The following CCDC148 variants were observed in gnomAD, a reference collection of about 807,000 sequenced individuals.
CCDC148 encodes the protein coiled-coil domain containing 148.
In CCDC148, 89 loss-of-function variants were observed where a neutral mutation model predicts 85.7. The observed-to-expected ratio is 1.04, with a 90% confidence interval of 0.87 to 1.24. The LOEUF (loss-of-function observed/expected upper bound fraction) is 1.24, where lower values mean the gene tolerates loss of function less well. Among genes scored for constraint, CCDC148 ranks in the 50% most tolerant of loss-of-function variants. The pLI, the probability that CCDC148 is intolerant of heterozygous loss-of-function variation, is 0.00. For synonymous variants in CCDC148, 230 were observed against 213.9 expected, an observed-to-expected ratio of 1.08 and a Z score of -0.66; for missense variants, 692 against 671.7, an observed-to-expected ratio of 1.03 and a Z score of -0.33.
chr2:158,205,754 C>A (rs1686209632), intron 11 of CCDC148, among the ~76,000 whole-genome samples: 1 of 152,144 alleles, frequency 6.6e-6, no homozygotes, highest in African/African-American at 2.4e-5. Flanking sequence ...GAACAGCTAA[C>A]AGTATGAACA....
intron 7 of CCDC148, among the ~76,000 whole-genome samples, chr2:158,326,935 A>C (rs1389123235): frequency 6.6e-6 from 1 of 152,104 alleles, no homozygotes; most frequent in East Asian, 1.9e-4. Flanking sequence ...TGCTTTGATT[A>C]CTTAACTATA....
rs533769051 is a variant in CCDC148, at chr2:158,344,046, TA to T, written c.251+1168del. The stretch of plus-strand genomic sequence containing the variant: ...AGAAAGACGTGGAATAGCCAAGATT[TA>T]AAAAAAACAAAAAACTTTACCAAGT... On this transcript the variant is annotated intron_variant, in intron 3 of 13. Transcript: ENST00000283233. Among the ~76,000 whole-genome samples the T allele has an allele frequency of 4.2e-3, 633 of 151,882 alleles. 1 individual carries two copies. The highest frequency in any genetic ancestry group is 0.014 in the African/African-American group (597 of 41,452).
chr2:158,225,323 C>T (rs533188763), intron 10 of CCDC148, among the ~76,000 whole-genome samples: 1 of 152,234 alleles, frequency 6.6e-6, no homozygotes, highest in Non-Finnish European at 1.5e-5. Context: ...TAGAGACCTA[C>T]AAAGAGACTT....
chr2:158,171,390 T>C lies in CCDC148; in HGVS notation c.*723A>G, dbSNP rs1684317589. On this transcript the variant is annotated 3_prime_UTR_variant, in exon 14 of 14. Coordinates refer to ENST00000283233, the MANE Select transcript of CCDC148 (RefSeq NM_138803.4). ...TATGTTTGAGTTTTATTTTAAATGC[T>C]CCTTTTCTATAAAATCATCTAAATA... 1 of 151,972 alleles carries C rather than the reference T, an allele frequency of 6.6e-6. No homozygotes were observed. Among genetic ancestry groups the C allele is most frequent in the East Asian group, 1.9e-4 (1 of 5,166 alleles). 9.4% of individuals were successfully genotyped at this position (151,972 alleles called of 1,614,324 possible).
intron 1 of CCDC148, among the ~76,000 whole-genome samples, chr2:158,428,328 G>T (rs183814842): frequency 5.9e-5 from 9 of 152,112 alleles, no homozygotes; most frequent in Admixed American, 3.3e-4. Flanking sequence ...GGGATTGCAC[G>T]GAATAAGAAA....
intron 11 of CCDC148, among the ~76,000 whole-genome samples, chr2:158,210,295 C>G (rs1310233567): frequency 6.6e-6 from 1 of 152,096 alleles, no homozygotes; most frequent in East Asian, 1.9e-4. Context: ...AATACAGGAG[C>G]ACTCAGATTC....
intron 1 of CCDC148, among the ~76,000 whole-genome samples, chr2:158,433,923 G>T (rs1039510434): frequency 6.6e-6 from 1 of 152,208 alleles, no homozygotes; most frequent in Non-Finnish European, 1.5e-5. Context: ...CGAGGCTGGG[G>T]GAGGGGCGTC....
At chr2:158,198,680 C>T (rs750661844) in intron 11 of CCDC148, among the ~76,000 whole-genome samples, 40 of 151,578 alleles carry the variant, frequency 2.6e-4, no homozygotes, top group Non-Finnish European at 4.9e-4. Context: ...TTTTCCAGGT[C>T]GGAAATAATT....
chr2:158,293,333 G>C (rs1215968730), intron 9 of CCDC148, among the ~76,000 whole-genome samples: 3 of 152,210 alleles, frequency 2.0e-5, no homozygotes, highest in African/African-American at 4.8e-5. Context: ...CCTTACACTT[G>C]TCTGCACACT....
chr2:158,369,406 T>C (rs987242269), intron 1 of CCDC148, among the ~76,000 whole-genome samples: 1 of 152,158 alleles, frequency 6.6e-6, no homozygotes, highest in Non-Finnish European at 1.5e-5. Flanking sequence ...GTTAGCTGTA[T>C]TCCTGGTATT....
chr2:158,366,114 TA>T (rs752968188), intron 1 of CCDC148: 52 of 1,356,538 alleles, frequency 3.8e-5, no homozygotes, highest in Admixed American at 2.4e-5. Flanking sequence ...TTCATAATAT[TA>T]TTTTATAAAT....
At chr2:158,220,734 AAAATTT>A in intron 10 of CCDC148, 21 bp from the exon 11 acceptor site, 1 of 1,518,040 alleles carries the variant, frequency 6.6e-7, no homozygotes, top group Non-Finnish European at 8.9e-7. Context: ...AATGTTACAT[AAAATTT>A]AAATTAACAA....
intron 1 of CCDC148, among the ~76,000 whole-genome samples, chr2:158,441,547 CAT>C (rs1687933236): frequency 1.4e-5 from 2 of 146,046 alleles, no homozygotes; most frequent in South Asian, 4.3e-4. Flanking sequence ...TTCCTCTTAA[CAT>C]ATTTGAGATA....
At chr2:158,331,399 C>T (rs965694893) in intron 7 of CCDC148, among the ~76,000 whole-genome samples, 16 of 152,282 alleles carry the variant, frequency 1.1e-4, no homozygotes, top group Non-Finnish European at 1.9e-4. Flanking sequence ...TGTTCTTTTA[C>T]ATTTGCTGAG....
At chr2:158,227,423 C>A (rs1363579901) in intron 10 of CCDC148, among the ~76,000 whole-genome samples, 2 of 152,020 alleles carry the variant, frequency 1.3e-5, no homozygotes, top group African/African-American at 4.8e-5. Context: ...ATCAAGCTAC[C>A]AATGACTTTC....
At chr2:158,430,233 C>G in intron 1 of CCDC148, among the ~76,000 whole-genome samples, 1 of 152,066 alleles carries the variant, frequency 6.6e-6, no homozygotes, top group Non-Finnish European at 1.5e-5. Context: ...ACCTCAGGAG[C>G]CTTAGGAGGA....
intron 1 of CCDC148, among the ~76,000 whole-genome samples, chr2:158,420,667 A>G (rs1020276439): frequency 6.6e-6 from 1 of 152,200 alleles, no homozygotes; most frequent in Non-Finnish European, 1.5e-5. Flanking sequence ...TGCTAGGAAG[A>G]AACTGCATCA....
chr2:158,431,974 A>G (rs7599029), intron 1 of CCDC148, among the ~76,000 whole-genome samples: 25,242 of 152,042 alleles, frequency 0.17, 2,231 homozygotes, highest in Middle Eastern at 0.21. Context: ...ACTGTTTACC[A>G]CACATATACA....
chr2:158,212,012 G>T (rs1641889392), intron 11 of CCDC148, among the ~76,000 whole-genome samples: 1 of 152,124 alleles, frequency 6.6e-6, no homozygotes, highest in Non-Finnish European at 1.5e-5. Flanking sequence ...TGAGAAGCAG[G>T]TCATAAGTAC....
Sources: gnomAD v4.1 joint callset for allele counts (sites outside exome capture counted in the v4.1 genomes callset) on GRCh38, gnomAD v4.1.1 for gene constraint, MANE v1.5 for transcripts, NCBI Gene and HGNC (gene_info 2026-07-23, HGNC 2026-07-21) for gene names.